COL4A4: variants seen among roughly 807,000 people sequenced by gnomAD.
COL4A4 encodes collagen alpha-4(IV) chain.
COL4A4 carries 105 observed loss-of-function variants against 192.9 expected under a neutral mutation model. The observed-to-expected ratio is 0.54, with a 90% CI of 0.46 to 0.64. The LOEUF (loss-of-function observed/expected upper bound fraction) is 0.64. COL4A4 is among the 30% of genes least tolerant of loss of function. The pLI is 0.00. For missense variants in COL4A4, 1,967 were observed against 2,169.3 expected (o/e 0.91, Z 1.85); for synonymous variants, 762 against 769.9 (o/e 0.99, Z 0.17).
intron 1 of COL4A4, among the ~76,000 whole-genome samples, chr2:227,152,159 C>A (rs1412647128): frequency 6.6e-6 from 1 of 152,124 alleles, no homozygotes; most frequent in Admixed American, 6.5e-5. Flanking sequence ...CCTCATTCAG[C>A]CCCCAGACAG....
chr2:227,132,186 A>T (rs1057326675), intron 4 of COL4A4, among the ~76,000 whole-genome samples: 5 of 152,134 alleles, frequency 3.3e-5, no homozygotes, highest in African/African-American at 1.2e-4. Flanking sequence ...AAGCCAGGGC[A>T]CCAAATTGTC....
chr2:227,142,571 T>C (rs1020471511), intron 3 of COL4A4, among the ~76,000 whole-genome samples: 21 of 152,170 alleles, frequency 1.4e-4, no homozygotes, highest in African/African-American at 4.8e-4. Flanking sequence ...CTGGCCAACA[T>C]GGTGAAACCC....
intron 15 of COL4A4, among the ~76,000 whole-genome samples, 165 bp from the exon 16 acceptor site, chr2:227,102,074 A>G (rs1290151568): frequency 6.6e-6 from 1 of 152,248 alleles, no homozygotes; most frequent in African/African-American, 2.4e-5. Flanking sequence ...CCATTTCTTT[A>G]TAACATTTGC....
At chr2:226,992,288 C>T in the COL4A4 span, among the ~76,000 whole-genome samples, 2 of 152,182 alleles carry the variant, frequency 1.3e-5, no homozygotes, top group Non-Finnish European at 2.9e-5. Flanking sequence ...TAGGGGCTGA[C>T]ATCAACTTTG....
At chr2:227,002,547 AAC>A (rs1170595114), downstream of COL4A4, among the ~76,000 whole-genome samples, 1 of 151,998 alleles carries the variant, frequency 6.6e-6, no homozygotes, top group Non-Finnish European at 1.5e-5. Context: ...CTGTGCATAG[AAC>A]AGTGTTTCCA....
At chr2:227,072,832 G>A (rs985770284) in intron 25 of COL4A4, among the ~76,000 whole-genome samples, 6 of 151,850 alleles carry the variant, frequency 4.0e-5, no homozygotes, top group East Asian at 3.9e-4. Flanking sequence ...AAAAGCATTC[G>A]ACAAAATCCA....
chr2:227,104,932 C>CA (rs71036156), intron 12 of COL4A4, among the ~76,000 whole-genome samples: 83,860 of 150,998 alleles, frequency 0.56, 23,840 homozygotes, highest in Middle Eastern at 0.66. Context: ...TGAGCCACCG[C>CA]ACCCGGCCTA....
In COL4A4 at chr2:227,045,929, A is replaced by ATATATGTATATATG. The variant is rs1270682038; in HGVS notation, c.3289+1532_3289+1545dup. On this transcript the variant is annotated intron_variant, in intron 35 of 47. Transcript: ENST00000396625. Reference sequence around the variant, plus strand: ...TATATATGTATGTATATGTATATGTATATATGTATATATGTATATATGTAT... The same window carrying ATATATGTATATATG: ...TATATATGTATGTATATGTATATGTATATATGTATATATGTATATGTATATATGTATATATGTAT... Among the ~76,000 whole-genome samples the ATATATGTATATATG allele has an allele frequency of 8.3e-5, 5 of 60,182 alleles. 2 individuals are homozygous for ATATATGTATATATG. The highest frequency in any genetic ancestry group is 5.0e-4 in the African/African-American group (5 of 9,972). 39.5% of individuals were successfully genotyped at this position (60,182 alleles called of 152,430 possible).
the COL4A4 span, among the ~76,000 whole-genome samples, chr2:226,973,021 T>A: frequency 6.6e-6 from 1 of 152,104 alleles, no homozygotes; most frequent in East Asian, 1.9e-4. Flanking sequence ...AGGCCTGGAC[T>A]TCAAAGTAGA....
chr2:227,101,706 T>G, intron 16 of COL4A4, 149 bp from the exon 17 acceptor site: 1 of 1,099,668 alleles, frequency 9.1e-7, no homozygotes. Context: ...ATCTTGTGCT[T>G]CAATTTTTGC....
chr2:227,033,457 T>C lies in COL4A4; in HGVS notation c.3530A>G (p.Asn1177Ser). The change falls in exon 38 of 48, where the codon AAC becomes AGC. Residue 1177 changes from asparagine (N) to serine (S), a missense_variant. Physicochemically the swap from Asn to Ser is conservative, Grantham distance 46. Coordinates refer to ENST00000396625, the MANE Select transcript of COL4A4 (RefSeq NM_000092.5). ...IKGPSGSPGL[N>S]GLHGLKGQKG... ...CTGACCTTTCAATCCATGCAAGCCG[T>C]TCAGGCCAGGTGATCCGGAGGGACC... The C allele has an allele frequency of 1.2e-6, 2 of 1,613,614 alleles. No homozygotes were observed. The highest frequency in any genetic ancestry group is 1.7e-6 in the Non-Finnish European group (2 of 1,180,012).
the COL4A4 span, chr2:226,995,592 A>C: frequency 1.0e-6 from 1 of 963,462 alleles, no homozygotes; most frequent in Non-Finnish European, 1.6e-6. Context: ...CCAAGCCCCT[A>C]ATTCATTTTA....
rs1399069718 is a variant in COL4A4, at chr2:227,006,709, A to G, written c.*616T>C. ...TACGGCGACTGTGGGCCTTCCTGCC[A>G]TCATGATTCATTCTCCTTTGAAAGG... On this transcript the variant is annotated 3_prime_UTR_variant, in exon 48 of 48. Coordinates refer to ENST00000396625, the MANE Select transcript of COL4A4 (RefSeq NM_000092.5). 1.9e-5 allele frequency: 3 copies of G among 154,436 alleles called. No homozygotes were observed. The highest frequency in any genetic ancestry group is 4.8e-5 in the African/African-American group (2 of 41,444). 9.6% of individuals were successfully genotyped at this position (154,436 alleles called of 1,614,324 possible).
rs58476785 is a variant in COL4A4, at chr2:227,045,849, C to T, written c.3289+1626G>A. On this transcript the variant is annotated intron_variant, in intron 35 of 47. Transcript: ENST00000396625. ...ATATATATACACACATATATATATA[C>T]ACATATATATATACACATATATATA... 5.0e-3 allele frequency among the ~76,000 whole-genome samples: 221 copies of T among 43,870 alleles called. 66 individuals carry two copies. The highest frequency in any genetic ancestry group is 0.018 in the African/African-American group (180 of 9,796). 28.8% of individuals were successfully genotyped at this position (43,870 alleles called of 152,430 possible).
chr2:227,074,470 A>G (rs1348611250), intron 25 of COL4A4, among the ~76,000 whole-genome samples: 1 of 152,158 alleles, frequency 6.6e-6, no homozygotes, highest in Non-Finnish European at 1.5e-5. Context: ...AATTAGTACA[A>G]CCTCTGTAGA....
chr2:227,107,383 C>T (rs183254341), intron 12 of COL4A4, among the ~76,000 whole-genome samples: 1 of 152,048 alleles, frequency 6.6e-6, no homozygotes, highest in Non-Finnish European at 1.5e-5. Context: ...TTGAGAAATC[C>T]CTCTCTGTGT....
At chr2:227,128,427 T>C (rs75484839) in intron 4 of COL4A4, among the ~76,000 whole-genome samples, 1,962 of 152,348 alleles carry the variant, frequency 0.013, 36 homozygotes, top group African/African-American at 0.044. Context: ...AATTTAACTT[T>C]CTGGTCCTAT....
At chr2:226,978,978 G>T in the COL4A4 span, among the ~76,000 whole-genome samples, 1 of 152,298 alleles carries the variant, frequency 6.6e-6, no homozygotes, top group East Asian at 1.9e-4. Context: ...GAAACCAATA[G>T]GATGTAGGTA....
intron 33 of COL4A4, 97 bp downstream of exon 33, chr2:227,050,880 C>A: frequency 4.3e-6 from 6 of 1,401,106 alleles, no homozygotes; most frequent in Non-Finnish European, 6.1e-6. Context: ...AGTGAAAGGG[C>A]AATGGTATAT....
Sources: allele counts gnomAD v4.1 joint callset (sites outside exome capture counted in the v4.1 genomes callset), GRCh38; gene constraint gnomAD v4.1.1; transcripts MANE v1.5; gene names NCBI Gene and HGNC (gene_info 2026-07-23, HGNC 2026-07-21).